Variants in ISCA1 observed in about 807,000 individuals in gnomAD.
ISCA1 encodes iron-sulfur cluster assembly 1 homolog, mitochondrial.
Under a neutral mutation model 14.7 loss-of-function variants are expected in ISCA1, and 9 were observed. The ratio of observed to expected loss-of-function variants is 0.61; its 90% CI spans 0.37 to 1.07. ISCA1 has a LOEUF of 1.07. Among genes scored for constraint, ISCA1 ranks in the 50% least tolerant of loss-of-function variants. The pLI is 0.01. For synonymous variants in ISCA1, 38 were observed against 54.3 expected, an observed-to-expected ratio of 0.70 and a Z score of 1.32; for missense variants, 102 against 150.1, an observed-to-expected ratio of 0.68 and a Z score of 1.67.
At position 86,282,512 on chromosome 9, in the gene ISCA1, T is replaced by C; in HGVS notation, c.-54A>G. 1.3e-6 allele frequency: 2 copies of C among 1,549,674 alleles called. No homozygotes were observed. Among genetic ancestry groups the C allele is most frequent in the Non-Finnish European group, 1.7e-6 (2 of 1,146,586 alleles). ...GGGCCGAAGGTCGGCCGCCTCAGCT[T>C]CTCTCCATGGACACGGCGGGCGCAT... On this transcript the variant is annotated 5_prime_UTR_variant, in exon 1 of 4. Coordinates refer to ENST00000375991, the MANE Select transcript of ISCA1 (RefSeq NM_030940.4).
intron 2 of ISCA1, among the ~76,000 whole-genome samples, chr9:86,272,963 T>G (rs1170545228): frequency 6.6e-6 from 1 of 152,212 alleles, no homozygotes; most frequent in Non-Finnish European, 1.5e-5. Flanking sequence ...AATCCACGTA[T>G]GCGGAACCCA....
Position 86,276,904 on chromosome 9 carries a change from C to A in ISCA1, c.82-2662G>T, listed in dbSNP as rs140123230. 3.1e-3 allele frequency among the ~76,000 whole-genome samples: 403 copies of A among 130,288 alleles called. 21 individuals carry two copies. The highest frequency in any genetic ancestry group is 0.011 in the African/African-American group (376 of 34,690). 85.5% of individuals were successfully genotyped at this position (130,288 alleles called of 152,430 possible). A position where few individuals can be genotyped will look rare whatever the true frequency, so the allele number is the denominator to read the frequency against. On this transcript the variant is annotated intron_variant, in intron 1 of 3. Coordinates refer to ENST00000375991, the MANE Select transcript of ISCA1 (RefSeq NM_030940.4). The stretch of plus-strand genomic sequence containing the variant: ...AAAAAAAAAAAAAAAAAAGGCATAG[C>A]CATGGAAAATATCCGCGGGAACTAA...
In ISCA1 at chr9:86,274,550, C is replaced by A. The variant is rs1825418189; in HGVS notation, c.82-308G>T. Among the ~76,000 whole-genome samples, 3 of 152,308 alleles carry A rather than the reference C, an allele frequency of 2.0e-5. No homozygotes were observed. The South Asian group carries it at 6.2e-4, about 32-fold the overall frequency. ...CAAATGCTATTTTTCTGGGCAGCAT[C>A]TATTTTGTGCACCAACTCTATGCCC... On this transcript the variant is annotated intron_variant, in intron 1 of 3. Transcript: ENST00000375991.
chr9:86,270,493 T>C (rs1341077366), intron 3 of ISCA1, among the ~76,000 whole-genome samples: 1 of 150,342 alleles, frequency 6.7e-6, no homozygotes, highest in Non-Finnish European at 1.5e-5. Context: ...ACACTGGTGG[T>C]GGGACTGTAA....
Position 86,264,614 on chromosome 9 carries a change from C to A in ISCA1, c.*1429G>T, listed in dbSNP as rs1398337361. The A allele has an allele frequency of 6.6e-6, 1 of 152,428 alleles. No homozygotes were observed. Among genetic ancestry groups the A allele is most frequent in the Non-Finnish European group, 1.5e-5 (1 of 68,016 alleles). 9.4% of individuals were successfully genotyped at this position (152,428 alleles called of 1,614,324 possible). A position where few individuals can be genotyped will look rare whatever the true frequency, so the allele number is the denominator to read the frequency against. ...CAATCTCTACATACATACAGTGTTG[C>A]ACGAATTATAAGTGGATCAACAATT... On this transcript the variant is annotated 3_prime_UTR_variant, in exon 4 of 4. Coordinates refer to ENST00000375991, the MANE Select transcript of ISCA1 (RefSeq NM_030940.4).
In ISCA1 at chr9:86,272,132, A is replaced by G. The variant is rs1173566737; in HGVS notation, c.136-20T>C. 5 of 1,460,196 alleles carry G rather than the reference A, an allele frequency of 3.4e-6. No individual in the cohort carries two copies. Among genetic ancestry groups the G allele is most frequent in the Non-Finnish European group, 4.8e-6 (5 of 1,041,570 alleles). 90.5% of individuals were successfully genotyped at this position (1,460,196 alleles called of 1,614,324 possible). A position where few individuals can be genotyped will look rare whatever the true frequency, so the allele number is the denominator to read the frequency against. ...ACCTACCTGAAAAAGAAGTGAAAAT[A>G]TAAACTTGGTTTTAAAGTAGTACAG... On this transcript the variant is annotated intron_variant, in intron 2 of 3. Coordinates refer to ENST00000375991, the MANE Select transcript of ISCA1 (RefSeq NM_030940.4).
At position 86,277,759 on chromosome 9, in the gene ISCA1, A is replaced by T. The variant is rs539144169; in HGVS notation, c.82-3517T>A. On this transcript the variant is annotated intron_variant, in intron 1 of 3. Transcript: ENST00000375991. Reference sequence around the variant, plus strand: ...CCTGAGATTTGGCCCATGTTTTAAAATTTAAGAGCTTCCTGAAGCCCACTA... The same window carrying T: ...CCTGAGATTTGGCCCATGTTTTAAATTTTAAGAGCTTCCTGAAGCCCACTA... 2.8e-3 allele frequency among the ~76,000 whole-genome samples: 428 copies of T among 152,308 alleles called. 1 individual carries two copies. Among genetic ancestry groups the T allele is most frequent in the Middle Eastern group, 0.01 (3 of 294 alleles).
chr9:86,277,845 T>C lies in ISCA1; in HGVS notation c.82-3603A>G, dbSNP rs145292599. ...GAATATGACTTTTAAAGTGAGAGGTTATCTTTGAGGTAAGGTATTTTGGCC... is the reference window on the plus strand; with the variant it reads ...GAATATGACTTTTAAAGTGAGAGGTCATCTTTGAGGTAAGGTATTTTGGCC... On this transcript the variant is annotated intron_variant, in intron 1 of 3. Coordinates refer to ENST00000375991, the MANE Select transcript of ISCA1 (RefSeq NM_030940.4). Among the ~76,000 whole-genome samples the C allele has an allele frequency of 1.1e-4, 16 of 152,352 alleles. No individual in the cohort carries two copies. In the East Asian group the frequency reaches 3.1e-3, roughly 29 times the overall value.
chr9:86,268,205 G>A (rs1347020968), intron 3 of ISCA1, among the ~76,000 whole-genome samples: 1 of 152,100 alleles, frequency 6.6e-6, no homozygotes, highest in Non-Finnish European at 1.5e-5. Flanking sequence ...ACAACTCCAT[G>A]AGTGTTACTG....
chr9:86,270,460 T>G (rs1406104143), intron 3 of ISCA1, among the ~76,000 whole-genome samples: 1 of 150,022 alleles, frequency 6.7e-6, no homozygotes, highest in African/African-American at 2.4e-5. Flanking sequence ...CTGGAGAGGA[T>G]GTGGAGAAAT....
intron 3 of ISCA1, 26 bp downstream of exon 3, chr9:86,271,981 C>T: frequency 7.4e-7 from 1 of 1,355,512 alleles, no homozygotes; most frequent in Non-Finnish European, 1.1e-6. Flanking sequence ...AACAATGTGC[C>T]CAAAAAATGT....
intron 2 of ISCA1, 92 bp downstream of exon 2, chr9:86,274,097 C>A: frequency 4.4e-6 from 3 of 685,884 alleles, no homozygotes; most frequent in South Asian, 1.9e-5. Flanking sequence ...AATAAAAACC[C>A]CTAAATGAAA....
rs1324850002 is a variant in ISCA1, at chr9:86,274,257, T to C, written c.82-15A>G. ...GCTGAAGGTGTCTGAAAAAAGAAAATGATGTTTTTAGCTACAAAACTTGTT... is the reference window on the plus strand; with the variant it reads ...GCTGAAGGTGTCTGAAAAAAGAAAACGATGTTTTTAGCTACAAAACTTGTT... On this transcript the variant is annotated splice_polypyrimidine_tract_variant and intron_variant, in intron 1 of 3. Coordinates refer to ENST00000375991, the MANE Select transcript of ISCA1 (RefSeq NM_030940.4). 1.3e-6 allele frequency: 2 copies of C among 1,556,292 alleles called. No homozygotes were observed. The highest frequency in any genetic ancestry group is 1.7e-4 in the Middle Eastern group (1 of 5,978).
At chr9:86,275,710 ACCAGTAGGTGGGCCTCTAAAGGC>A (rs1230966459) in intron 1 of ISCA1, among the ~76,000 whole-genome samples, 2 of 152,190 alleles carry the variant, frequency 1.3e-5, no homozygotes, top group African/African-American at 2.4e-5. Context: ...ACAAACCACT[ACCAGTAGGTGGGCCTCTAAAGGC>A]CCATGGTTTC....
chr9:86,269,300 A>G (rs1825334652), intron 3 of ISCA1, among the ~76,000 whole-genome samples: 1 of 152,216 alleles, frequency 6.6e-6, no homozygotes, highest in African/African-American at 2.4e-5. Context: ...CCAATAACAG[A>G]CAAACAGAGA....
Position 86,264,790 on chromosome 9 carries a change from T to C in ISCA1, c.*1253A>G, listed in dbSNP as rs1227048421. 6.6e-6 allele frequency: 1 copy of C among 152,220 alleles called. No homozygotes were observed. The highest frequency in any genetic ancestry group is 1.5e-5 in the Non-Finnish European group (1 of 68,036). The allele number at this position is 152,220 out of a possible 1,614,324, so 9.4% of individuals were successfully genotyped here. A position where few individuals can be genotyped will look rare whatever the true frequency, so the allele number is the denominator to read the frequency against. ...AATCAGCTTTCAAAAAAAGCATATA[T>C]ATCATCTCATAGAATACTTATGTCA... On this transcript the variant is annotated 3_prime_UTR_variant, in exon 4 of 4. Coordinates refer to ENST00000375991, the MANE Select transcript of ISCA1 (RefSeq NM_030940.4).
chr9:86,276,392 C>T (rs907429746), intron 1 of ISCA1, among the ~76,000 whole-genome samples: 2 of 152,144 alleles, frequency 1.3e-5, no homozygotes, highest in Non-Finnish European at 2.9e-5. Flanking sequence ...CAGTCTGTAG[C>T]GCAGGGACTG....
chr9:86,276,249 T>A (rs555861252), intron 1 of ISCA1, among the ~76,000 whole-genome samples: 6 of 151,996 alleles, frequency 3.9e-5, no homozygotes, highest in Non-Finnish European at 8.8e-5. Context: ...CTAGGGTTTG[T>A]GCTCCTATGA....
rs1199296566 is a variant in ISCA1 at position 86,264,982 on chromosome 9, G to C, written c.*1061C>G. The C allele has an allele frequency of 2.0e-5, 3 of 152,168 alleles. No individual in the cohort carries two copies. Among genetic ancestry groups the C allele is most frequent in the African/African-American group, 7.2e-5 (3 of 41,442 alleles). 9.4% of individuals were successfully genotyped at this position (152,168 alleles called of 1,614,324 possible). A position where few individuals can be genotyped will look rare whatever the true frequency, so the allele number is the denominator to read the frequency against. Reference sequence around the variant, plus strand: ...AAAAGATTACACATTCTCCTGTACAGTGAGGACCACATTCCAAAAGCATAA... The same window carrying C: ...AAAAGATTACACATTCTCCTGTACACTGAGGACCACATTCCAAAAGCATAA... On this transcript the variant is annotated 3_prime_UTR_variant, in exon 4 of 4. Coordinates refer to ENST00000375991, the MANE Select transcript of ISCA1 (RefSeq NM_030940.4).
Sources: allele counts gnomAD v4.1 joint callset (sites outside exome capture counted in the v4.1 genomes callset), GRCh38; gene constraint gnomAD v4.1.1; transcripts MANE v1.5; gene names NCBI Gene and HGNC (gene_info 2026-07-23, HGNC 2026-07-21).